The following DCLK1 variants were observed in gnomAD, a reference collection of about 807,000 sequenced individuals.
DCLK1 encodes doublecortin like kinase 1.
DCLK1 carries 16 observed loss-of-function variants against 86.2 expected under a neutral mutation model. The ratio of observed to expected loss-of-function variants is 0.19; its 90% CI spans 0.13 to 0.28. DCLK1 has a LOEUF of 0.28. Among genes scored for constraint, DCLK1 ranks in the 10% least tolerant of loss-of-function variants. The pLI is 1.00. For synonymous variants in DCLK1, 369 were observed against 370.5 expected, an observed-to-expected ratio of 1.00 and a Z score of 0.05; for missense variants, 590 against 940.2, an observed-to-expected ratio of 0.63 and a Z score of 4.87.
chr13:35,810,659 CA>C (rs1345991020), intron 12 of DCLK1, among the ~76,000 whole-genome samples, 175 bp downstream of exon 12: 1 of 152,102 alleles, frequency 6.6e-6, no homozygotes, highest in Non-Finnish European at 1.5e-5. Flanking sequence ...ATTGGGAAAA[CA>C]GAGAAAATGG....
chr13:35,864,688 T>G (rs1278788339), intron 5 of DCLK1, among the ~76,000 whole-genome samples: 1 of 148,422 alleles, frequency 6.7e-6, no homozygotes, highest in Non-Finnish European at 1.5e-5. Flanking sequence ...GGTCTCACTC[T>G]GGCATCCAAG....
At chr13:36,067,113 G>A (rs9593736) in intron 3 of DCLK1, among the ~76,000 whole-genome samples, 41,167 of 125,552 alleles carry the variant, frequency 0.33, 6,122 homozygotes, top group South Asian at 0.51. Context: ...GCACACGTAT[G>A]TTTATTGCGG....
chr13:35,816,316 G>A (rs1165161438), intron 11 of DCLK1, among the ~76,000 whole-genome samples: 1 of 152,128 alleles, frequency 6.6e-6, no homozygotes, highest in Admixed American at 6.6e-5. Context: ...TTTGGGACAT[G>A]GACTTCCAGA....
At chr13:35,815,169 T>C (rs2087240037) in intron 11 of DCLK1, among the ~76,000 whole-genome samples, 1 of 152,228 alleles carries the variant, frequency 6.6e-6, no homozygotes, top group Non-Finnish European at 1.5e-5. Context: ...ATTTGGGGTT[T>C]TGCATTAGCT....
chr13:35,999,254 C>G (rs961413916), intron 3 of DCLK1, among the ~76,000 whole-genome samples: 20 of 47,100 alleles, frequency 4.2e-4, no homozygotes, highest in Non-Finnish European at 3.1e-4. Context: ...GAATCTGTCT[C>G]AAACAAAAAA....
intron 16 of DCLK1, among the ~76,000 whole-genome samples, chr13:35,785,387 T>A (rs918661476): frequency 6.6e-6 from 1 of 152,046 alleles, no homozygotes; most frequent in Non-Finnish European, 1.5e-5. Flanking sequence ...AAATGGTGGC[T>A]TCTTAGGTCA....
At chr13:35,787,859 G>T in intron 16 of DCLK1, 1 of 335,460 alleles carries the variant, frequency 3.0e-6, no homozygotes, top group East Asian at 7.9e-5. Flanking sequence ...GCGTGCTATT[G>T]TTCTTCCATT....
chr13:35,931,908 A>G (rs753352668), intron 4 of DCLK1, among the ~76,000 whole-genome samples: 6 of 152,214 alleles, frequency 3.9e-5, no homozygotes, highest in Non-Finnish European at 7.3e-5. Flanking sequence ...CAATAAAGTA[A>G]GATAAAGTAC....
chr13:36,037,469 T>A (rs1026800775), intron 3 of DCLK1, among the ~76,000 whole-genome samples: 5 of 151,426 alleles, frequency 3.3e-5, no homozygotes, highest in African/African-American at 1.2e-4. Flanking sequence ...TGACCTTTTT[T>A]CTCGTGGTTT....
Position 35,947,391 on chromosome 13 carries a change from G to A in DCLK1, c.790C>T (p.Arg264Cys). Residue 264 changes from arginine (R) to cysteine (C), a missense_variant, in exon 4 of 17, where the codon CGT becomes TGT. Arg to Cys is a radical substitution (Grantham distance 180). This residue lies in a region of DCLK1 where 195 missense variants were observed against 365.1 expected (regional missense o/e 0.53). Transcript: ENST00000360631. ...IFIACGPEKFRYQDDFLLDES... is the reference protein window; with the variant it reads ...IFIACGPEKFCYQDDFLLDES... ...TCTAGCAAGAAATCATCCTGGTAAC[G>A]GAACTTCTCCGGTCCACATGCAATA... 4 of 1,613,608 alleles carry A rather than the reference G, an allele frequency of 2.5e-6. No homozygotes were observed. The highest frequency in any genetic ancestry group is 2.2e-5 in the East Asian group (1 of 44,844).
intron 3 of DCLK1, among the ~76,000 whole-genome samples, chr13:36,067,564 T>C (rs1221659455): frequency 9.2e-5 from 14 of 151,556 alleles, no homozygotes; most frequent in Admixed American, 1.3e-4. Flanking sequence ...ATAATAATAA[T>C]AAAATTAAAA....
chr13:35,884,228 A>T (rs893656825), intron 4 of DCLK1, among the ~76,000 whole-genome samples: 1 of 152,178 alleles, frequency 6.6e-6, no homozygotes, highest in African/African-American at 2.4e-5. Context: ...AACTAAAAGC[A>T]TGAGGAGATA....
chr13:35,924,264 T>A (rs946662755), intron 4 of DCLK1, among the ~76,000 whole-genome samples: 1 of 152,026 alleles, frequency 6.6e-6, no homozygotes, highest in Non-Finnish European at 1.5e-5. Context: ...TTTTTTTTTT[T>A]AAATGGCTGT....
intron 4 of DCLK1, among the ~76,000 whole-genome samples, chr13:35,889,486 C>A (rs926405893): frequency 1.3e-5 from 2 of 152,066 alleles, no homozygotes; most frequent in Non-Finnish European, 2.9e-5. Context: ...AAGTGTAGGA[C>A]CCAGACTTGT....
At position 35,966,785 on chromosome 13, in the gene DCLK1, C is replaced by G. The variant is rs974748554; in HGVS notation, c.724-19328G>C. ...CCTCCTGAGGTGCCGGGATTGCAGA[C>G]GGAGTCTCGCTCACTCAGCGCTCAA... is the stretch of plus-strand genomic sequence containing the variant. On this transcript the variant is annotated intron_variant, in intron 3 of 16. Coordinates refer to ENST00000360631, the MANE Select transcript of DCLK1 (RefSeq NM_001330071.2). 2.4e-3 allele frequency among the ~76,000 whole-genome samples: 372 copies of G among 152,184 alleles called. 6 individuals carry two copies. Among genetic ancestry groups the G allele is most frequent in the Admixed American group, 0.02 (303 of 15,292 alleles).
At chr13:36,046,083 C>T (rs1369290604) in intron 3 of DCLK1, among the ~76,000 whole-genome samples, 3 of 151,678 alleles carry the variant, frequency 2.0e-5, no homozygotes, top group Non-Finnish European at 4.4e-5. Flanking sequence ...AAAAAAAAAA[C>T]CTAAATGTTA....
At chr13:35,911,954 A>G (rs189648605) in intron 4 of DCLK1, among the ~76,000 whole-genome samples, 28 of 152,184 alleles carry the variant, frequency 1.8e-4, no homozygotes, top group Admixed American at 6.5e-4. Flanking sequence ...TAGCTGTGGG[A>G]CCCTGGAGAG....
chr13:35,774,720 G>C, intron 16 of DCLK1, 21 bp from the exon 17 acceptor site: 1 of 1,606,986 alleles, frequency 6.2e-7, no homozygotes, highest in Non-Finnish European at 8.5e-7. Context: ...CATAAAATGA[G>C]AAAGAGGACA....
At chr13:35,948,854 G>T (rs1053923980) in intron 3 of DCLK1, among the ~76,000 whole-genome samples, 10 of 152,292 alleles carry the variant, frequency 6.6e-5, no homozygotes, top group African/African-American at 2.2e-4. Context: ...CTTCAAGAGA[G>T]ATGTCAGAAG....
Sources: gnomAD v4.1 joint callset for allele counts (sites outside exome capture counted in the v4.1 genomes callset) on GRCh38, gnomAD v4.1.1 for gene constraint, gnomAD v4.1.1 regional missense constraint, MANE v1.5 for transcripts, NCBI Gene and HGNC (gene_info 2026-07-23, HGNC 2026-07-21) for gene names.